ERC2: variants seen among roughly 807,000 people sequenced by gnomAD.
ERC2 encodes the protein ELKS/RAB6-interacting/CAST family member 2.
ERC2 carries 42 observed loss-of-function variants against 114.8 expected under a neutral mutation model. That is an observed-to-expected ratio of 0.37 (90% CI 0.29 to 0.47). The LOEUF is 0.47. Among genes scored for constraint, ERC2 ranks in the 20% least tolerant of loss-of-function variants. The pLI is 0.99. For missense variants in ERC2, 939 were observed against 1,150.7 expected (o/e 0.82, Z 2.66); for synonymous variants, 454 against 425.5 (o/e 1.07, Z -0.82).
At chr3:55,883,569 CAA>C (rs2063214075) in intron 14 of ERC2, among the ~76,000 whole-genome samples, 1 of 149,840 alleles carries the variant, frequency 6.7e-6, no homozygotes, top group African/African-American at 2.5e-5. Context: ...CACACACACA[CAA>C]GTGCATGTAA....
At chr3:55,886,713 A>G (rs2063362768) in intron 14 of ERC2, among the ~76,000 whole-genome samples, 1 of 152,226 alleles carries the variant, frequency 6.6e-6, no homozygotes, top group Non-Finnish European at 1.5e-5. Flanking sequence ...CACATATTCC[A>G]CAACTAATTA....
intron 2 of ERC2, among the ~76,000 whole-genome samples, chr3:56,363,601 T>C (rs531164017): frequency 6.6e-6 from 1 of 152,168 alleles, no homozygotes; most frequent in Admixed American, 6.5e-5. Context: ...TTTCTTTGTA[T>C]TGAAAAAAGG....
chr3:56,417,932 G>A (rs1479971975), intron 2 of ERC2, among the ~76,000 whole-genome samples: 1 of 152,130 alleles, frequency 6.6e-6, no homozygotes, highest in Non-Finnish European at 1.5e-5. Flanking sequence ...TGTTAAGTAG[G>A]GTTCAAGATT....
At chr3:55,709,280 G>C (rs374975230) in intron 15 of ERC2, among the ~76,000 whole-genome samples, 10 of 152,174 alleles carry the variant, frequency 6.6e-5, no homozygotes, top group Non-Finnish European at 1.2e-4. Context: ...TATGAAGAGA[G>C]GGGTTCACAT....
At chr3:56,381,763 G>A (rs1371022172) in intron 2 of ERC2, among the ~76,000 whole-genome samples, 1 of 142,300 alleles carries the variant, frequency 7.0e-6, no homozygotes, top group Non-Finnish European at 1.6e-5. Flanking sequence ...AAGAAAAAAA[G>A]GGGGGGGTGG....
intron 14 of ERC2, among the ~76,000 whole-genome samples, chr3:55,812,474 G>A (rs2059755693): frequency 1.3e-5 from 2 of 152,152 alleles, no homozygotes. Context: ...TGATGTTCCA[G>A]ACATTGGATT....
Position 55,937,626 on chromosome 3 carries a change from T to C in ERC2, c.2403+12799A>G, listed in dbSNP as rs556370141. On this transcript the variant is annotated intron_variant, in intron 13 of 17. Coordinates refer to ENST00000288221, the MANE Select transcript of ERC2 (RefSeq NM_015576.3). Reference sequence around the variant, plus strand: ...TTAGGCAGAGGAGGCTTGTGGAGAGTTCAGGTGACATTGTTCCATGAAATA... The same window carrying C: ...TTAGGCAGAGGAGGCTTGTGGAGAGCTCAGGTGACATTGTTCCATGAAATA... Among the ~76,000 whole-genome samples the C allele has an allele frequency of 1.4e-3, 207 of 152,010 alleles. 1 individual carries two copies. The highest frequency in any genetic ancestry group is 1.9e-3 in the Non-Finnish European group (132 of 67,940).
intron 17 of ERC2, among the ~76,000 whole-genome samples, chr3:55,535,560 T>C (rs1300134374): frequency 6.6e-6 from 1 of 152,094 alleles, no homozygotes; most frequent in African/African-American, 2.4e-5. Context: ...CGGCAGCAGA[T>C]AACAGTGGAA....
chr3:55,781,315 T>C (rs963634007), intron 14 of ERC2, among the ~76,000 whole-genome samples: 4 of 152,070 alleles, frequency 2.6e-5, no homozygotes, highest in African/African-American at 9.7e-5. Context: ...AGCACTGGGA[T>C]GGGAATGAGA....
rs1047745245 is a variant in ERC2 at position 55,757,634 on chromosome 3, T to C, written c.2565-22716A>G. On this transcript the variant is annotated intron_variant, in intron 14 of 17. Transcript: ENST00000288221. ...GCTGTGAGAAATCAATGAGATACTA[T>C]ATATAAAGAGCTTAACACAGTGCTT... Among the ~76,000 whole-genome samples, 4 of 152,140 alleles carry C rather than the reference T, an allele frequency of 2.6e-5. No homozygotes were observed. The South Asian group carries it at 6.2e-4, about 24-fold the overall frequency.
chr3:56,382,043 A>G lies in ERC2; in HGVS notation c.657+52308T>C, dbSNP rs146657034. Among the ~76,000 whole-genome samples the G allele has an allele frequency of 2.9e-3, 435 of 152,054 alleles. 2 individuals are homozygous for G. The highest frequency in any genetic ancestry group is 0.014 in the Middle Eastern group (4 of 294). ...CTTCAGCACCTCTTTCCCCATACTC[A>G]CTTTTAACTATTGGCCTTCCTTCCC... On this transcript the variant is annotated intron_variant, in intron 2 of 17. Coordinates refer to ENST00000288221, the MANE Select transcript of ERC2 (RefSeq NM_015576.3).
At chr3:55,721,596 G>T (rs2064556424) in intron 15 of ERC2, among the ~76,000 whole-genome samples, 1 of 152,238 alleles carries the variant, frequency 6.6e-6, no homozygotes, top group Admixed American at 6.5e-5. Flanking sequence ...GCTGCCCAAG[G>T]TTTCTCAGTG....
intron 17 of ERC2, among the ~76,000 whole-genome samples, chr3:55,595,903 A>G (rs2058102600): frequency 6.6e-6 from 1 of 152,210 alleles, no homozygotes; most frequent in African/African-American, 2.4e-5. Flanking sequence ...ACACTCCAAG[A>G]TACAATCATC....
Position 55,685,536 on chromosome 3 carries a change from T to C in ERC2, c.2848-1677A>G, listed in dbSNP as rs116534872. On this transcript the variant is annotated intron_variant, in intron 16 of 17. Coordinates refer to ENST00000288221, the MANE Select transcript of ERC2 (RefSeq NM_015576.3). ...TGGAGAAAAGAAACTTTGATGCTCCTTTTCATCTTCATGAAGGAGGGAAGT... is the reference window on the plus strand; with the variant it reads ...TGGAGAAAAGAAACTTTGATGCTCCCTTTCATCTTCATGAAGGAGGGAAGT... Among the ~76,000 whole-genome samples the C allele has an allele frequency of 5.2e-3, 789 of 152,338 alleles. 4 individuals are homozygous for C. The highest frequency in any genetic ancestry group is 0.018 in the African/African-American group (739 of 41,578).
chr3:56,113,559 C>T (rs1038866154), intron 6 of ERC2, among the ~76,000 whole-genome samples: 11 of 152,134 alleles, frequency 7.2e-5, no homozygotes, highest in African/African-American at 2.4e-4. Flanking sequence ...GAAGAAAACT[C>T]TTTCTATACT....
chr3:55,668,938 C>A (rs916895501), intron 17 of ERC2, among the ~76,000 whole-genome samples: 2 of 152,136 alleles, frequency 1.3e-5, no homozygotes, highest in African/African-American at 4.8e-5. Context: ...GAACTAACTG[C>A]TAAACAGGTA....
At chr3:56,221,475 C>T (rs1485403707) in intron 3 of ERC2, among the ~76,000 whole-genome samples, 2 of 151,972 alleles carry the variant, frequency 1.3e-5, no homozygotes, top group East Asian at 3.9e-4. Flanking sequence ...ATGCTTTACA[C>T]AGAGTCCTGC....
In ERC2 at chr3:55,679,903, G is replaced by A. The variant is rs141116845; in HGVS notation, c.*39+3891C>T. Among the ~76,000 whole-genome samples, 335 of 152,214 alleles carry A rather than the reference G, an allele frequency of 2.2e-3. 2 individuals carry two copies. Among genetic ancestry groups the A allele is most frequent in the African/African-American group, 7.9e-3 (326 of 41,528 alleles). On this transcript the variant is annotated intron_variant, in intron 17 of 17. Coordinates refer to ENST00000288221, the MANE Select transcript of ERC2 (RefSeq NM_015576.3). ...CAGGCCTAGTGTCCAGACCCTGTCC[G>A]CTAAAAGAAGGCAAGTCAGACCTGA...
intron 2 of ERC2, among the ~76,000 whole-genome samples, chr3:56,310,905 T>C (rs1039766611): frequency 2.0e-5 from 3 of 152,100 alleles, no homozygotes; most frequent in Non-Finnish European, 2.9e-5. Flanking sequence ...GTTTCAGTTT[T>C]ACTACTGATT....
Sources: gnomAD v4.1 joint callset for allele counts (sites outside exome capture counted in the v4.1 genomes callset) on GRCh38, gnomAD v4.1.1 for gene constraint, MANE v1.5 for transcripts, NCBI Gene and HGNC (gene_info 2026-07-23, HGNC 2026-07-21) for gene names.